ADAMTS17: variants seen among roughly 807,000 people sequenced by gnomAD.
The protein encoded by ADAMTS17 is ADAM metallopeptidase with thrombospondin type 1 motif 17.
Under a neutral mutation model 141.5 loss-of-function variants are expected in ADAMTS17, and 113 were observed. The ratio of observed to expected loss-of-function variants is 0.80; its 90% CI spans 0.69 to 0.93. The LOEUF (loss-of-function observed/expected upper bound fraction) is 0.93, where lower values mean the gene tolerates loss of function less well. Ranked by LOEUF, ADAMTS17 falls within the 40% of genes least tolerant of loss-of-function variation. The pLI is 0.00. For missense variants in ADAMTS17, 1,659 were observed against 1,517.9 expected (o/e 1.09, Z -1.54); for synonymous variants, 768 against 630.6 (o/e 1.22, Z -3.27).
chr15:99,976,597 T>G lies in ADAMTS17; in HGVS notation c.2950-375A>C, dbSNP rs1316363009. On this transcript the variant is annotated intron_variant, in intron 20 of 21. Transcript: ENST00000268070. ...CAGATGTTGGAGCCGTGGAGGTGGG[T>G]GGCTTTGGGAGGTGAGTAGGGTTAG... The G allele has an allele frequency of 1.0e-5, 4 of 384,212 alleles. No individual in the cohort carries two copies. In the East Asian group the frequency reaches 2.5e-4, roughly 24 times the overall value. The allele number at this position is 384,212 out of a possible 1,614,324, so 23.8% of individuals were successfully genotyped here.
Position 100,080,783 on chromosome 15 carries a change from A to G in ADAMTS17, c.2137+15573T>C, listed in dbSNP as rs117486561. ...ATGTGACATAACATTTATTGACTTCATATCAGCATGTTAAGTATTGTTAAC... is the reference window on the plus strand; with the variant it reads ...ATGTGACATAACATTTATTGACTTCGTATCAGCATGTTAAGTATTGTTAAC... On this transcript the variant is annotated intron_variant, in intron 15 of 21. Coordinates refer to ENST00000268070, the MANE Select transcript of ADAMTS17 (RefSeq NM_139057.4). 1.6e-4 allele frequency among the ~76,000 whole-genome samples: 25 copies of G among 152,332 alleles called. 2 individuals carry two copies. In the East Asian group the frequency reaches 4.6e-3, roughly 28 times the overall value.
intron 10 of ADAMTS17, among the ~76,000 whole-genome samples, chr15:100,139,850 C>T (rs113669225): frequency 4.6e-5 from 7 of 152,224 alleles, no homozygotes; most frequent in East Asian, 1.9e-4. Context: ...GACAACTAAA[C>T]GTGAAATAGG....
At chr15:100,068,286 C>G (rs1032157555) in intron 15 of ADAMTS17, among the ~76,000 whole-genome samples, 9 of 152,216 alleles carry the variant, frequency 5.9e-5, no homozygotes, top group Non-Finnish European at 1.0e-4. Flanking sequence ...CACCGCAGCT[C>G]AAGGAGGCCT....
chr15:100,018,006 T>A (rs1251740555), intron 18 of ADAMTS17, among the ~76,000 whole-genome samples: 1 of 152,190 alleles, frequency 6.6e-6, no homozygotes, highest in East Asian at 1.9e-4. Flanking sequence ...ACCAACCCCA[T>A]CCATCTCTAA....
chr15:100,102,346 TCTACATTTGAGGGCCAACC>T (rs2036154818), intron 14 of ADAMTS17, among the ~76,000 whole-genome samples: 3 of 131,996 alleles, frequency 2.3e-5, no homozygotes, highest in African/African-American at 3.2e-5. Flanking sequence ...CCGAAGGGGA[TCTACATTTGAGGGCCAACC>T]GAAGGGGATC....
chr15:100,061,909 G>A (rs1325824747), intron 15 of ADAMTS17, among the ~76,000 whole-genome samples: 1 of 152,226 alleles, frequency 6.6e-6, no homozygotes, highest in Non-Finnish European at 1.5e-5. Context: ...GGTTGGGAAG[G>A]GGAAGGGTAA....
intron 14 of ADAMTS17, among the ~76,000 whole-genome samples, chr15:100,104,117 A>T (rs910731317): frequency 6.6e-6 from 1 of 152,238 alleles, no homozygotes; most frequent in Non-Finnish European, 1.5e-5. Context: ...TCTCAGGTAC[A>T]TCTGGGTCTG....
chr15:100,173,688 C>T (rs1010100429), intron 8 of ADAMTS17, among the ~76,000 whole-genome samples: 4 of 152,218 alleles, frequency 2.6e-5, no homozygotes, highest in Non-Finnish European at 5.9e-5. Context: ...GCCTATGTCT[C>T]GATTACACTG....
intron 10 of ADAMTS17, among the ~76,000 whole-genome samples, chr15:100,146,069 A>G (rs1203964595): frequency 6.6e-6 from 1 of 152,224 alleles, no homozygotes; most frequent in Non-Finnish European, 1.5e-5. Flanking sequence ...GCTACTCGGG[A>G]GGCTGAGACA....
intron 8 of ADAMTS17, among the ~76,000 whole-genome samples, chr15:100,185,079 G>A (rs887912411): frequency 1.2e-4 from 18 of 152,182 alleles, no homozygotes; most frequent in African/African-American, 4.3e-4. Flanking sequence ...ATCTGAAAGC[G>A]CTACAGTCTG....
At chr15:100,238,987 A>G (rs1331692361) in intron 7 of ADAMTS17, among the ~76,000 whole-genome samples, 2 of 152,232 alleles carry the variant, frequency 1.3e-5, no homozygotes, top group African/African-American at 4.8e-5. Context: ...GGTACTCGGG[A>G]GACTGAGATG....
At position 100,199,528 on chromosome 15, in the gene ADAMTS17, G is replaced by A. The variant is rs187436556; in HGVS notation, c.1076-105C>T. The A allele has an allele frequency of 2.2e-4, 202 of 921,118 alleles. No individual in the cohort carries two copies. The African/African-American group carries it at 2.9e-3, about 13-fold the overall frequency. The allele number at this position is 921,118 out of a possible 1,614,324, so 57.1% of individuals were successfully genotyped here. On this transcript the variant is annotated intron_variant, in intron 7 of 21. Transcript: ENST00000268070. ...TCATGCACAATCAAGGCAGGCACACGGCAACAATGGTGACTATGAGCCTCA... is the reference window on the plus strand; with the variant it reads ...TCATGCACAATCAAGGCAGGCACACAGCAACAATGGTGACTATGAGCCTCA...
At chr15:100,314,983 G>C (rs75447968) in intron 3 of ADAMTS17, among the ~76,000 whole-genome samples, 13,394 of 152,264 alleles carry the variant, frequency 0.088, 698 homozygotes, top group African/African-American at 0.13. Flanking sequence ...GAGGCACAAG[G>C]AGTGAGGGGT....
intron 3 of ADAMTS17, among the ~76,000 whole-genome samples, chr15:100,291,559 C>T (rs1052698396): frequency 6.6e-5 from 10 of 152,104 alleles, no homozygotes; most frequent in South Asian, 4.1e-4. Context: ...CATCACAGCA[C>T]GATTCACAAT....
intron 8 of ADAMTS17, among the ~76,000 whole-genome samples, chr15:100,191,715 G>T (rs1490783066): frequency 6.6e-6 from 1 of 152,218 alleles, no homozygotes; most frequent in Admixed American, 6.5e-5. Flanking sequence ...TCACTGCGGG[G>T]GCACCTCCCA....
At chr15:100,230,590 T>A (rs1332151194) in intron 7 of ADAMTS17, among the ~76,000 whole-genome samples, 2 of 152,210 alleles carry the variant, frequency 1.3e-5, no homozygotes, top group African/African-American at 2.4e-5. Context: ...TCCTGAGGCA[T>A]CTTCATAACA....
intron 15 of ADAMTS17, among the ~76,000 whole-genome samples, chr15:100,068,761 T>C (rs911119577): frequency 1.3e-5 from 2 of 152,056 alleles, no homozygotes; most frequent in African/African-American, 2.4e-5. Context: ...TATGTCACCA[T>C]CATCAAAGAC....
chr15:100,047,100 CTA>C (rs1318004759), intron 18 of ADAMTS17, among the ~76,000 whole-genome samples: 5 of 151,918 alleles, frequency 3.3e-5, no homozygotes, highest in African/African-American at 9.7e-5. Flanking sequence ...TGGCCGTCTT[CTA>C]TGGTTGAGAC....
chr15:100,125,341 A>C (rs570755529), intron 12 of ADAMTS17, among the ~76,000 whole-genome samples: 1 of 152,356 alleles, frequency 6.6e-6, no homozygotes, highest in East Asian at 1.9e-4. Flanking sequence ...TGAATGCCAG[A>C]TCGCTGGCAC....
Sources: allele counts gnomAD v4.1 joint callset (sites outside exome capture counted in the v4.1 genomes callset), GRCh38; gene constraint gnomAD v4.1.1; transcripts MANE v1.5; gene names NCBI Gene and HGNC (gene_info 2026-07-23, HGNC 2026-07-21).